Variants in MEGF11 observed in about 807,000 individuals in gnomAD.
MEGF11 encodes multiple EGF like domains 11.
In MEGF11, 126 loss-of-function variants were observed where a neutral mutation model predicts 146.6. The observed-to-expected ratio is 0.86, with a 90% confidence interval of 0.74 to 1.00. The LOEUF is 1.00. MEGF11 is among the 50% of genes least tolerant of loss of function. MEGF11 has a pLI of 0.00. For missense variants in MEGF11, 1,509 were observed against 1,521.2 expected (o/e 0.99, Z 0.13); for synonymous variants, 532 against 583.4 (o/e 0.91, Z 1.27).
chr15:66,241,452 T>C (rs1337734282), intron 1 of MEGF11, among the ~76,000 whole-genome samples: 1 of 152,192 alleles, frequency 6.6e-6, no homozygotes, highest in African/African-American at 2.4e-5. Flanking sequence ...GCACAGTCTG[T>C]ATAGACAATG....
intron 8 of MEGF11, 106 bp from the exon 9 acceptor site, chr15:65,965,226 G>A: frequency 2.2e-6 from 2 of 905,954 alleles, no homozygotes; most frequent in Non-Finnish European, 3.3e-6. Flanking sequence ...CAGGCCTGGT[G>A]TGCTCCACGC....
intron 1 of MEGF11, among the ~76,000 whole-genome samples, chr15:66,135,575 G>C (rs576330568): frequency 1.8e-4 from 27 of 152,272 alleles, no homozygotes; most frequent in South Asian, 1.0e-3. Context: ...GAAGCCTCGG[G>C]CCAGTGTGAT....
chr15:66,146,466 G>A (rs540110801), intron 1 of MEGF11, among the ~76,000 whole-genome samples: 3 of 152,234 alleles, frequency 2.0e-5, no homozygotes, highest in Admixed American at 1.3e-4. Context: ...AAAGGCCACC[G>A]TTTGGATGGG....
intron 5 of MEGF11, among the ~76,000 whole-genome samples, chr15:66,087,920 C>A (rs181621915): frequency 3.9e-4 from 60 of 152,162 alleles, no homozygotes; most frequent in African/African-American, 1.4e-3. Flanking sequence ...AACTGACAGA[C>A]CATTAGCCAG....
chr15:66,229,413 G>A (rs2091919254), intron 1 of MEGF11, among the ~76,000 whole-genome samples: 1 of 152,174 alleles, frequency 6.6e-6, no homozygotes, highest in Non-Finnish European at 1.5e-5. Context: ...ACTGTTGCCA[G>A]GCAGAAATGT....
chr15:65,986,449 G>T (rs2081859710), intron 5 of MEGF11, among the ~76,000 whole-genome samples: 1 of 152,156 alleles, frequency 6.6e-6, no homozygotes, highest in Non-Finnish European at 1.5e-5. Context: ...AAGCAGAGAA[G>T]TGTGTAATTC....
intron 5 of MEGF11, among the ~76,000 whole-genome samples, chr15:65,997,361 G>A (rs1265644141): frequency 6.6e-6 from 1 of 152,212 alleles, no homozygotes; most frequent in African/African-American, 2.4e-5. Flanking sequence ...AGACTTGATT[G>A]CTATGTGCCA....
intron 7 of MEGF11, among the ~76,000 whole-genome samples, chr15:65,974,587 G>A (rs2081392847): frequency 1.3e-5 from 2 of 152,072 alleles, no homozygotes; most frequent in Admixed American, 6.5e-5. Flanking sequence ...CCTGGGAGGC[G>A]GAGGTTGCAG....
chr15:66,210,692 G>A (rs542171796), intron 1 of MEGF11, among the ~76,000 whole-genome samples: 19 of 152,198 alleles, frequency 1.2e-4, no homozygotes, highest in Non-Finnish European at 2.4e-4. Context: ...GATCATCTGG[G>A]GAAACCGAGG....
chr15:66,192,044 C>T (rs2090896627), intron 1 of MEGF11, among the ~76,000 whole-genome samples: 2 of 152,132 alleles, frequency 1.3e-5, no homozygotes, highest in Admixed American at 6.5e-5. Context: ...CGCCACTGCA[C>T]TCCAACCTGA....
chr15:65,968,814 G>T (rs371129301), intron 8 of MEGF11, among the ~76,000 whole-genome samples: 1 of 152,110 alleles, frequency 6.6e-6, no homozygotes, highest in Non-Finnish European at 1.5e-5. Context: ...CAAAGCCCTC[G>T]TTACATTTCG....
chr15:66,100,498 G>A (rs922219138), intron 4 of MEGF11, among the ~76,000 whole-genome samples: 9 of 152,176 alleles, frequency 5.9e-5, no homozygotes, highest in African/African-American at 1.9e-4. Flanking sequence ...GCTACTTCCC[G>A]GTTGCAAGCC....
intron 24 of MEGF11, chr15:65,905,285 G>A (rs2078592883): frequency 6.6e-6 from 1 of 152,198 alleles, no homozygotes; most frequent in East Asian, 1.9e-4. Context: ...TCCCATTGGT[G>A]ATTTTATTGG....
chr15:65,938,491 CCTTT>C (rs1368346724), intron 10 of MEGF11, among the ~76,000 whole-genome samples: 3 of 152,174 alleles, frequency 2.0e-5, no homozygotes, highest in Admixed American at 2.0e-4. Flanking sequence ...ATGCTCTGAC[CCTTT>C]CTTAGCACCT....
chr15:66,188,147 G>A (rs533690569), intron 1 of MEGF11, among the ~76,000 whole-genome samples: 1 of 152,014 alleles, frequency 6.6e-6, no homozygotes, highest in East Asian at 1.9e-4. Flanking sequence ...CCTTACCCCA[G>A]GCATTTGAAA....
At chr15:66,072,397 C>G (rs1049522019) in intron 5 of MEGF11, among the ~76,000 whole-genome samples, 1 of 152,188 alleles carries the variant, frequency 6.6e-6, no homozygotes, top group African/African-American at 2.4e-5. Context: ...TTTAACCCAT[C>G]ACGCCCTTTT....
chr15:66,210,516 A>ACCAACCACCTC (rs1293821307), intron 1 of MEGF11, among the ~76,000 whole-genome samples: 1 of 152,194 alleles, frequency 6.6e-6, no homozygotes, highest in Non-Finnish European at 1.5e-5. Flanking sequence ...ATGCTCCACC[A>ACCAACCACCTC]CCAACCACCT....
At chr15:66,013,374 C>A (rs1596989588) in intron 5 of MEGF11, among the ~76,000 whole-genome samples, 1 of 152,256 alleles carries the variant, frequency 6.6e-6, no homozygotes, top group East Asian at 1.9e-4. Flanking sequence ...ACCCCCACCC[C>A]AGGTCTCCAG....
chr15:65,899,559 A>G (rs1486842730), intron 24 of MEGF11, among the ~76,000 whole-genome samples: 1 of 152,170 alleles, frequency 6.6e-6, no homozygotes, highest in African/African-American at 2.4e-5. Context: ...GTAGGCATGC[A>G]TGTTTTAGCA....
Sources: allele counts gnomAD v4.1 joint callset (sites outside exome capture counted in the v4.1 genomes callset), GRCh38; gene constraint gnomAD v4.1.1; transcripts MANE v1.5; gene names NCBI Gene and HGNC (gene_info 2026-07-23, HGNC 2026-07-21).